ZNF831: variants seen among roughly 807,000 people sequenced by gnomAD.
The protein encoded by ZNF831 is chromosome 20 open reading frame 174.
Under a neutral mutation model 95.8 loss-of-function variants are expected in ZNF831, and 59 were observed. That is an observed-to-expected ratio of 0.62 (90% CI 0.50 to 0.77). The LOEUF (loss-of-function observed/expected upper bound fraction) is 0.77, where lower values mean the gene tolerates loss of function less well. Among genes scored for constraint, ZNF831 ranks in the 30% least tolerant of loss-of-function variants. ZNF831 has a pLI of 0.00. For missense variants in ZNF831, 2,205 were observed against 2,164.0 expected (o/e 1.02, Z -0.38); for synonymous variants, 961 against 925.5 (o/e 1.04, Z -0.70).
At chr20:59,183,761 T>C (rs1354170954) in intron 1 of ZNF831, among the ~76,000 whole-genome samples, 2 of 152,180 alleles carry the variant, frequency 1.3e-5, no homozygotes, top group East Asian at 3.8e-4. Flanking sequence ...TAGTTTTAGG[T>C]TTGCAGAAAA....
chr20:59,160,100 G>A (rs930187580), upstream of ZNF831: 2 of 152,356 alleles, frequency 1.3e-5, no homozygotes, highest in African/African-American at 2.4e-5. Flanking sequence ...ACCAGAGAAT[G>A]GACGGATCCA....
chr20:59,223,104 A>T (rs942025006), intron 4 of ZNF831, among the ~76,000 whole-genome samples: 3 of 152,098 alleles, frequency 2.0e-5, no homozygotes, highest in African/African-American at 7.2e-5. Flanking sequence ...CCCAGCTGAT[A>T]ACAGGAGGAG....
intron 4 of ZNF831, among the ~76,000 whole-genome samples, chr20:59,235,412 C>T (rs259973): frequency 0.49 from 75,049 of 151,870 alleles, 19,434 homozygotes; most frequent in South Asian, 0.67. Flanking sequence ...TAACCTCTGC[C>T]CCCTGCCCCC....
chr20:59,164,253 A>G (rs1442502605), intron 1 of ZNF831, among the ~76,000 whole-genome samples, 46 bp downstream of exon 1: 2 of 151,526 alleles, frequency 1.3e-5, no homozygotes, highest in Non-Finnish European at 2.9e-5. Flanking sequence ...AATGTCAGTT[A>G]AAAAAAAACT....
chr20:59,171,605 G>A (rs1023340492), intron 1 of ZNF831, among the ~76,000 whole-genome samples: 2 of 152,040 alleles, frequency 1.3e-5, no homozygotes, highest in Non-Finnish European at 2.9e-5. Flanking sequence ...AGCTCTCACT[G>A]AATATTCTGT....
intron 2 of ZNF831, among the ~76,000 whole-genome samples, chr20:59,154,199 C>T (rs1283623101): frequency 6.6e-6 from 1 of 152,154 alleles, no homozygotes; most frequent in Non-Finnish European, 1.5e-5. Flanking sequence ...TCACTTCTTG[C>T]AGTGGGTTGG....
chr20:59,175,048 G>A (rs1468235925), intron 1 of ZNF831, among the ~76,000 whole-genome samples: 2 of 152,160 alleles, frequency 1.3e-5, no homozygotes, highest in Admixed American at 1.3e-4. Flanking sequence ...CTTGAAAAAT[G>A]TGATACCCTT....
chr20:59,127,071 G>A (rs939290429), intron 1 of ZNF831, among the ~76,000 whole-genome samples: 7 of 152,048 alleles, frequency 4.6e-5, no homozygotes, highest in African/African-American at 1.7e-4. Flanking sequence ...ATCCCAGGAG[G>A]TTTGCTTCTT....
rs543910538 is a variant in ZNF831 at position 59,137,988 on chromosome 20, C to T, written c.-1424-8243C>T. 5.9e-5 allele frequency among the ~76,000 whole-genome samples: 9 copies of T among 152,256 alleles called. No homozygotes were observed. In the South Asian group the frequency reaches 1.5e-3, roughly 25 times the overall value. On this transcript the variant is annotated intron_variant, in intron 1 of 7. Transcript: ENST00000637017. ...TTCAGAAATGCATTATTTCCCAAAT[C>T]CCAAACACCAGGTGTTAAATGTGTA...
chr20:59,185,147 A>G (rs2146527620), intron 1 of ZNF831, among the ~76,000 whole-genome samples: 1 of 152,264 alleles, frequency 6.6e-6, no homozygotes, highest in African/African-American at 2.4e-5. Flanking sequence ...CCATCAGTCC[A>G]ATGGGGACAA....
chr20:59,147,780 G>T (rs1300122638), intron 2 of ZNF831, among the ~76,000 whole-genome samples: 2 of 152,216 alleles, frequency 1.3e-5, no homozygotes, highest in Non-Finnish European at 2.9e-5. Context: ...ATCAGATGTT[G>T]GCTGAAGTTG....
At chr20:59,189,901 G>A (rs1983371809) in intron 1 of ZNF831, among the ~76,000 whole-genome samples, 2 of 152,214 alleles carry the variant, frequency 1.3e-5, no homozygotes, top group South Asian at 2.1e-4. Context: ...GCTGGGGATG[G>A]GTGAAATGTG....
Position 59,208,486 on chromosome 20 carries a change from C to T in ZNF831, c.4027+1430C>T, listed in dbSNP as rs78480051. Among the ~76,000 whole-genome samples the T allele has an allele frequency of 0.036, 5,484 of 152,240 alleles. 157 individuals carry two copies. The highest frequency in any genetic ancestry group is 0.14 in the East Asian group (700 of 5,160). On this transcript the variant is annotated intron_variant, in intron 4 of 5. Coordinates refer to ENST00000371030, the MANE Select transcript of ZNF831 (RefSeq NM_178457.3). The surrounding 1 kb of genome is among the most constrained non-coding windows in gnomAD (Gnocchi z 4.2). ...CTCCAGGTGCCCTGTGGATGCCCCT[C>T]GTCTCTCCTTAAGAGTTTTCCAATG...
intron 4 of ZNF831, among the ~76,000 whole-genome samples, chr20:59,235,990 C>T (rs1183355197): frequency 5.3e-5 from 8 of 152,150 alleles, no homozygotes; most frequent in African/African-American, 1.7e-4. Flanking sequence ...TTGAAGGTTG[C>T]TTTTGCATAG....
At chr20:59,238,157 A>C (rs144694060) in intron 4 of ZNF831, among the ~76,000 whole-genome samples, 1,899 of 152,210 alleles carry the variant, frequency 0.012, 25 homozygotes, top group Middle Eastern at 0.031. Context: ...GGGGGACTTC[A>C]TCTGCTTGAA....
In ZNF831 at chr20:59,254,228, G is replaced by A. The variant is rs768451998; in HGVS notation, c.4519G>A (p.Glu1507Lys). The A allele has an allele frequency of 3.1e-6, 5 of 1,613,984 alleles. No homozygotes were observed. In the Middle Eastern group the frequency reaches 6.6e-4, roughly 212 times the overall value. The change falls in exon 6 of 6, where the codon GAA becomes AAA. Residue 1507 changes from glutamate (E) to lysine (K), a missense_variant. By Grantham distance (56) the Glu-to-Lys change is moderately conservative. Transcript: ENST00000371030. The surrounding 1 kb of genome is among the most constrained non-coding windows in gnomAD (Gnocchi z 4.5). ...LPVRTDHIAQ[E>K]IHSAESRDHS... Reference sequence around the variant, plus strand: ...AGTGAGAACAGATCACATAGCCCAGGAAATTCACAGTGCTGAATCACGAGA... The same window carrying A: ...AGTGAGAACAGATCACATAGCCCAGAAAATTCACAGTGCTGAATCACGAGA...
intron 1 of ZNF831, among the ~76,000 whole-genome samples, chr20:59,142,840 T>G (rs527685903): frequency 3.3e-5 from 5 of 152,356 alleles, no homozygotes; most frequent in South Asian, 4.1e-4. Flanking sequence ...TATTCTTTGA[T>G]TTTTGTCTTT....
upstream of ZNF831, among the ~76,000 whole-genome samples, chr20:59,161,973 G>A (rs915707416): frequency 6.6e-6 from 1 of 152,106 alleles, no homozygotes; most frequent in African/African-American, 2.4e-5. Context: ...GCTGTGAGAT[G>A]GTATCTCATT....
rs901307863 is a variant in ZNF831 at position 59,257,649 on chromosome 20, T to G, written c.*2906T>G. Reference sequence around the variant, plus strand: ...TGCATGATGGTTAAGGAAAAACAAATTTATTTTAGAACAAAGCAAACCAGA... The same window carrying G: ...TGCATGATGGTTAAGGAAAAACAAAGTTATTTTAGAACAAAGCAAACCAGA... On this transcript the variant is annotated 3_prime_UTR_variant, in exon 6 of 6. Transcript: ENST00000371030. 7.2e-5 allele frequency: 11 copies of G among 152,186 alleles called. No individual in the cohort carries two copies. Among genetic ancestry groups the G allele is most frequent in the Admixed American group, 7.2e-4 (11 of 15,272 alleles). 9.4% of individuals were successfully genotyped at this position (152,186 alleles called of 1,614,324 possible).
Sources: gnomAD v4.1 joint callset for allele counts (sites outside exome capture counted in the v4.1 genomes callset) on GRCh38, gnomAD v4.1.1 for gene constraint, Gnocchi (gnomAD v3.1) non-coding constraint, MANE v1.5 for transcripts, NCBI Gene and HGNC (gene_info 2026-07-23, HGNC 2026-07-21) for gene names.